Variants in HSH2D observed in about 807,000 individuals in gnomAD.
The protein encoded by HSH2D is hematopoietic SH2 domain-containing protein.
HSH2D carries 16 observed loss-of-function variants against 21.5 expected under a neutral mutation model. The ratio of observed to expected loss-of-function variants is 0.74; its 90% CI spans 0.50 to 1.13. The LOEUF is 1.13. HSH2D is among the 50% of genes most tolerant of loss of function. The pLI, the probability that HSH2D is intolerant of heterozygous loss-of-function variation, is 0.00. For missense variants in HSH2D, 418 were observed against 441.4 expected (o/e 0.95, Z 0.47); for synonymous variants, 172 against 184.7 (o/e 0.93, Z 0.56).
At chr19:16,137,404 G>T (rs2090971094) in intron 1 of HSH2D, among the ~76,000 whole-genome samples, 1 of 152,000 alleles carries the variant, frequency 6.6e-6, no homozygotes, top group African/African-American at 2.4e-5. Context: ...GACGTGGGTG[G>T]ATCACTTGAG....
At chr19:16,135,253 C>T (rs951213419) in intron 1 of HSH2D, among the ~76,000 whole-genome samples, 1 of 152,014 alleles carries the variant, frequency 6.6e-6, no homozygotes, top group African/African-American at 2.4e-5. Flanking sequence ...GCCTGGGTGA[C>T]AGAGCAAGAC....
chr19:16,154,321 T>G, intron 4 of HSH2D, 78 bp from the exon 5 acceptor site: 1 of 942,830 alleles, frequency 1.1e-6, no homozygotes, highest in Non-Finnish European at 1.6e-6. Flanking sequence ...GGATGGTCCC[T>G]GAGACCTGCC....
chr19:16,138,601 G>A (rs531704828), intron 1 of HSH2D, among the ~76,000 whole-genome samples: 9 of 151,892 alleles, frequency 5.9e-5, no homozygotes, highest in Non-Finnish European at 1.5e-5. Flanking sequence ...GGGACTACAG[G>A]CGTGCGCCAC....
intron 4 of HSH2D, among the ~76,000 whole-genome samples, chr19:16,153,719 T>C (rs2091197145): frequency 6.6e-6 from 1 of 150,706 alleles, no homozygotes; most frequent in Admixed American, 6.6e-5. Context: ...GAAGGCTCAG[T>C]GGGTGGCCTG....
Position 16,153,034 on chromosome 19 carries a change from T to A in HSH2D, c.216-9T>A. The A allele has an allele frequency of 1.2e-6, 2 of 1,607,744 alleles. No individual in the cohort carries two copies. Among genetic ancestry groups the A allele is most frequent in the Non-Finnish European group, 1.7e-6 (2 of 1,177,332 alleles). On this transcript the variant is annotated splice_polypyrimidine_tract_variant and intron_variant, in intron 3 of 5. Coordinates refer to ENST00000613986, the MANE Select transcript of HSH2D (RefSeq NM_001382417.1). ...GTAGGATGTCCCAGCCCCCGCAGTG[T>A]CTCCGCAGAGCCCAAAGCAGCTGCT...
intron 5 of HSH2D, chr19:16,154,708 C>T: frequency 2.3e-6 from 1 of 428,818 alleles, no homozygotes; most frequent in Non-Finnish European, 4.3e-6. Context: ...GCCAGCCCTG[C>T]TGCCATACCG....
At position 16,158,552 on chromosome 19, in the gene HSH2D, T is replaced by C. The variant is rs532638755; in HGVS notation, c.*758T>C. ...CCATCTCAAAAAATAAATAAATAAA[T>C]AAAAATGAAATTAAAAAATAAAAGC... is the stretch of plus-strand genomic sequence containing the variant. On this transcript the variant is annotated 3_prime_UTR_variant, in exon 6 of 6. Coordinates refer to ENST00000613986, the MANE Select transcript of HSH2D (RefSeq NM_001382417.1). 6.6e-6 allele frequency: 1 copy of C among 151,712 alleles called. No homozygotes were observed. Among genetic ancestry groups the C allele is most frequent in the Non-Finnish European group, 1.5e-5 (1 of 67,972 alleles). 9.4% of individuals were successfully genotyped at this position (151,712 alleles called of 1,614,324 possible). A position where few individuals can be genotyped will look rare whatever the true frequency, so the allele number is the denominator to read the frequency against.
intron 5 of HSH2D, chr19:16,155,619 CTTT>C (rs35262744): frequency 2.5e-4 from 28 of 114,140 alleles, no homozygotes; most frequent in South Asian, 2.8e-4. Flanking sequence ...CATGGGAGGA[CTTT>C]TTTTTTTTTT....
upstream of HSH2D, among the ~76,000 whole-genome samples, chr19:16,140,464 G>A (rs1252371019): frequency 6.6e-6 from 1 of 152,088 alleles, no homozygotes; most frequent in Non-Finnish European, 1.5e-5. Context: ...AATTAGCCAG[G>A]AGTGGTGGTG....
chr19:16,144,345 G>A (rs2145023433), intron 1 of HSH2D, among the ~76,000 whole-genome samples: 2 of 152,084 alleles, frequency 1.3e-5, no homozygotes, highest in South Asian at 4.2e-4. Flanking sequence ...AGAGAGGGGT[G>A]CCAGGGTGTT....
Position 16,148,707 on chromosome 19 carries a change from C to G in HSH2D, c.-27-17C>G. ...GCATCAAGCTTGATTCTTGTCTTCC[C>G]TCCCTTCTCTACCCAGGTGACCTTC... On this transcript the variant is annotated splice_polypyrimidine_tract_variant and intron_variant, in intron 1 of 5. Coordinates refer to ENST00000613986, the MANE Select transcript of HSH2D (RefSeq NM_001382417.1). The G allele has an allele frequency of 6.2e-7, 1 of 1,612,844 alleles. No homozygotes were observed. Among genetic ancestry groups the G allele is most frequent in the Non-Finnish European group, 8.5e-7 (1 of 1,179,150 alleles).
intron 1 of HSH2D, among the ~76,000 whole-genome samples, chr19:16,135,485 G>A (rs1008964406): frequency 5.3e-5 from 8 of 151,290 alleles, no homozygotes; most frequent in South Asian, 2.1e-4. Context: ...TACAACTTAC[G>A]CCCCTCACCG....
chr19:16,138,234 A>C (rs2090977208), intron 1 of HSH2D, among the ~76,000 whole-genome samples: 1 of 152,094 alleles, frequency 6.6e-6, no homozygotes, highest in African/African-American at 2.4e-5. Context: ...TTCTCTCAGC[A>C]TCATGTTTTT....
At position 16,157,517 on chromosome 19, in the gene HSH2D, G is replaced by T; in HGVS notation, c.782G>T (p.Gly261Val). ...SQDHSGDPTS[G>V]DRGYTDPCVA... ...GATCACTCAGGGGATCCCACCTCGG[G>T]GGACAGAGGCTACACGGATCCCTGT... Residue 261 changes from glycine (G) to valine (V), a missense_variant, in exon 6 of 6, where the codon GGG (glycine) becomes GTG (valine). Transcript: ENST00000613986. The surrounding 1 kb of genome is among the most constrained non-coding windows in gnomAD (Gnocchi z 4.4). 6.2e-7 allele frequency: 1 copy of T among 1,613,910 alleles called. No homozygotes were observed. Among genetic ancestry groups the T allele is most frequent in the Non-Finnish European group, 8.5e-7 (1 of 1,179,858 alleles).
At chr19:16,134,903 C>T (rs1255411013) in intron 1 of HSH2D, among the ~76,000 whole-genome samples, 1 of 150,906 alleles carries the variant, frequency 6.6e-6, no homozygotes, top group Non-Finnish European at 1.5e-5. Context: ...AGGGGAATAG[C>T]TTGAGGCCAG....
chr19:16,147,108 G>A (rs1008787010), intron 1 of HSH2D, among the ~76,000 whole-genome samples: 4 of 152,040 alleles, frequency 2.6e-5, no homozygotes, highest in Admixed American at 6.6e-5. Context: ...TTACAGGCGT[G>A]AACCACCATG....
intron 2 of HSH2D, chr19:16,151,559 G>A (rs148499076): frequency 2.4e-5 from 11 of 455,904 alleles, no homozygotes; most frequent in African/African-American, 2.2e-4. Flanking sequence ...TTATGAACTC[G>A]AATGCATCTG....
At chr19:16,151,431 C>G (rs1418238100) in intron 2 of HSH2D, 1 of 417,380 alleles carries the variant, frequency 2.4e-6, no homozygotes, top group East Asian at 7.6e-5. Context: ...GTTGCAAGTT[C>G]TTTCTGTTCT....
intron 1 of HSH2D, 137 bp from the exon 2 acceptor site, chr19:16,148,587 C>T (rs1452807186): frequency 2.5e-6 from 2 of 787,748 alleles, no homozygotes; most frequent in Admixed American, 2.8e-5. Context: ...CACCCAGCCA[C>T]AAGCCAGTTT....
Sources: allele counts gnomAD v4.1 joint callset (sites outside exome capture counted in the v4.1 genomes callset), GRCh38; gene constraint gnomAD v4.1.1; non-coding constraint Gnocchi (gnomAD v3.1); transcripts MANE v1.5; gene names NCBI Gene and HGNC (gene_info 2026-07-23, HGNC 2026-07-21).